RARB: variants seen among roughly 807,000 people sequenced by gnomAD.
RARB encodes retinoic acid receptor beta.
RARB carries 17 observed loss-of-function variants against 51.9 expected under a neutral mutation model. That is an observed-to-expected ratio of 0.33 (90% CI 0.22 to 0.49). RARB has a LOEUF of 0.49. Among genes scored for constraint, RARB ranks in the 20% least tolerant of loss-of-function variants. RARB has a pLI of 0.99. For synonymous variants in RARB, 215 were observed against 195.4 expected (o/e 1.10, Z -0.84); for missense variants, 369 against 550.8 (o/e 0.67, Z 3.30).
intron 3 of RARB, among the ~76,000 whole-genome samples, chr3:25,117,143 G>A (rs1559472343): frequency 6.6e-6 from 1 of 152,098 alleles, no homozygotes. Context: ...AGGGAATACA[G>A]CAATAAACAG....
chr3:24,838,554 G>A (rs1332019313), intron 1 of RARB, among the ~76,000 whole-genome samples: 1 of 152,178 alleles, frequency 6.6e-6, no homozygotes, highest in East Asian at 1.9e-4. Flanking sequence ...AAAGGACAAA[G>A]CAATGATGTT....
chr3:24,890,161 C>A (rs1371263242), intron 2 of RARB, among the ~76,000 whole-genome samples: 1 of 152,130 alleles, frequency 6.6e-6, no homozygotes, highest in East Asian at 1.9e-4. Flanking sequence ...TTATCAAGTT[C>A]CTAGCCTCTA....
chr3:25,083,661 T>A (rs915655098), intron 3 of RARB, among the ~76,000 whole-genome samples: 6 of 152,190 alleles, frequency 3.9e-5, no homozygotes, highest in African/African-American at 1.4e-4. Flanking sequence ...TTCTCATGAT[T>A]ATTTTTTCAA....
intron 3 of RARB, among the ~76,000 whole-genome samples, chr3:25,538,701 T>C (rs1418954310): frequency 6.6e-6 from 1 of 152,224 alleles, no homozygotes; most frequent in African/African-American, 2.4e-5. Context: ...AAATTAGAAA[T>C]GGAGGGAAAA....
chr3:25,244,009 G>A (rs1331040078), intron 5 of RARB, among the ~76,000 whole-genome samples: 2 of 152,064 alleles, frequency 1.3e-5, no homozygotes, highest in African/African-American at 4.8e-5. Context: ...GTCTGTTCAG[G>A]TATTTGACTT....
chr3:25,462,448 A>C (rs1695233307), intron 2 of RARB: 1 of 152,200 alleles, frequency 6.6e-6, no homozygotes. Context: ...GGTTGTTTAC[A>C]TCTGTTGTTT....
intron 4 of RARB, among the ~76,000 whole-genome samples, chr3:25,142,611 T>C (rs527508119): frequency 6.6e-6 from 1 of 151,036 alleles, no homozygotes; most frequent in Non-Finnish European, 1.5e-5. Context: ...TTGGTAAATA[T>C]CCCATCTGTG....
intron 5 of RARB, among the ~76,000 whole-genome samples, chr3:25,347,919 T>C (rs10510567): frequency 0.19 from 28,268 of 152,184 alleles, 3,367 homozygotes; most frequent in Admixed American, 0.31. Context: ...AAGACTCTAC[T>C]CAGGAAAGTT....
At chr3:25,524,974 C>G (rs1312990436) in intron 3 of RARB, among the ~76,000 whole-genome samples, 1 of 152,090 alleles carries the variant, frequency 6.6e-6, no homozygotes, top group Non-Finnish European at 1.5e-5. Context: ...GGTGATCCAC[C>G]CCCCTCAGCC....
At chr3:24,898,396 A>G (rs989257960) in intron 2 of RARB, among the ~76,000 whole-genome samples, 3 of 151,328 alleles carry the variant, frequency 2.0e-5, no homozygotes, top group Non-Finnish European at 4.4e-5. Flanking sequence ...AATAAATTAT[A>G]GGAATAATTT....
intron 3 of RARB, among the ~76,000 whole-genome samples, chr3:25,077,537 G>A (rs1698895480): frequency 6.6e-6 from 1 of 152,168 alleles, no homozygotes; most frequent in Non-Finnish European, 1.5e-5. Flanking sequence ...TTACTGCTGA[G>A]AAGTAGTCAA....
chr3:25,234,260 C>A (rs1305730547), intron 5 of RARB, among the ~76,000 whole-genome samples: 1 of 152,116 alleles, frequency 6.6e-6, no homozygotes, highest in Non-Finnish European at 1.5e-5. Context: ...ATCCAAGTTA[C>A]ACATTTCTTC....
intron 2 of RARB, among the ~76,000 whole-genome samples, chr3:25,043,492 T>G (rs938903298): frequency 6.6e-6 from 1 of 152,254 alleles, no homozygotes; most frequent in African/African-American, 2.4e-5. Flanking sequence ...TTTAAACCTC[T>G]TTCAACAGGA....
chr3:25,500,613 G>A (rs1697265709), intron 2 of RARB, among the ~76,000 whole-genome samples: 1 of 151,430 alleles, frequency 6.6e-6, no homozygotes, highest in Non-Finnish European at 1.5e-5. Flanking sequence ...CCAAGGGCTG[G>A]GATTACAGGC....
intron 5 of RARB, among the ~76,000 whole-genome samples, chr3:25,212,565 C>G (rs932531516): frequency 6.6e-6 from 1 of 152,202 alleles, no homozygotes; most frequent in African/African-American, 2.4e-5. Flanking sequence ...TTGCAGTGAG[C>G]TGAGATCGCA....
chr3:25,240,958 A>G (rs959495360), intron 5 of RARB, among the ~76,000 whole-genome samples: 2 of 152,152 alleles, frequency 1.3e-5, no homozygotes, highest in Non-Finnish European at 2.9e-5. Context: ...ATTTGGCCCT[A>G]GGCTTTTCTT....
At chr3:25,267,132 C>T (rs1470556231) in intron 5 of RARB, among the ~76,000 whole-genome samples, 1 of 152,196 alleles carries the variant, frequency 6.6e-6, no homozygotes, top group Non-Finnish European at 1.5e-5. Flanking sequence ...GAGGCCTTAG[C>T]TAGCTACAGC....
chr3:25,377,613 A>G (rs1287196129), intron 5 of RARB, among the ~76,000 whole-genome samples: 1 of 152,180 alleles, frequency 6.6e-6, no homozygotes, highest in Non-Finnish European at 1.5e-5. Context: ...ATAACTGAAA[A>G]TCTCTGAACT....
chr3:25,171,857 T>G (rs1449705306), intron 4 of RARB, among the ~76,000 whole-genome samples: 1 of 151,714 alleles, frequency 6.6e-6, no homozygotes, highest in African/African-American at 2.4e-5. Flanking sequence ...TCTAATTAAT[T>G]TGCTACAAAC....
Sources: allele counts gnomAD v4.1 joint callset (sites outside exome capture counted in the v4.1 genomes callset), GRCh38; gene constraint gnomAD v4.1.1; transcripts MANE v1.5; gene names NCBI Gene and HGNC (gene_info 2026-07-23, HGNC 2026-07-21).